The following SLC22A3 variants were observed in gnomAD, a reference collection of about 807,000 sequenced individuals.
SLC22A3 encodes EMT organic cation transporter 3.
SLC22A3 carries 51 observed loss-of-function variants against 59.1 expected under a neutral mutation model. The observed-to-expected ratio is 0.86, with a 90% confidence interval of 0.69 to 1.09. SLC22A3 has a LOEUF of 1.09. Among genes scored for constraint, SLC22A3 ranks in the 50% least tolerant of loss-of-function variants. The pLI, the probability that SLC22A3 is intolerant of heterozygous loss-of-function variation, is 0.00. For missense variants in SLC22A3, 711 were observed against 726.3 expected, an observed-to-expected ratio of 0.98 and a Z score of 0.24; for synonymous variants, 325 against 292.0, an observed-to-expected ratio of 1.11 and a Z score of -1.15.
Position 160,424,154 on chromosome 6 carries a change from GA to G in SLC22A3, c.976-12624del, listed in dbSNP as rs1787862505. Among the ~76,000 whole-genome samples, 3 of 152,172 alleles carry G rather than the reference GA, an allele frequency of 2.0e-5. No individual in the cohort carries two copies. The East Asian group carries it at 5.8e-4, about 29-fold the overall frequency. ...AACCTCAGCCCTGGAGTTGACAAAAGAATCTGTCCCAGTGGGCCACAGATCC... is the reference window on the plus strand; with the variant it reads ...AACCTCAGCCCTGGAGTTGACAAAAGATCTGTCCCAGTGGGCCACAGATCC... On this transcript the variant is annotated intron_variant, in intron 5 of 10. Transcript: ENST00000275300.
chr6:160,358,233 T>G (rs1198213096), intron 1 of SLC22A3, among the ~76,000 whole-genome samples: 1 of 152,054 alleles, frequency 6.6e-6, no homozygotes. Flanking sequence ...AATTTGAGGG[T>G]TTTTGAGCTC....
intron 1 of SLC22A3, among the ~76,000 whole-genome samples, chr6:160,387,618 G>A (rs1786074838): frequency 6.6e-6 from 1 of 152,080 alleles, no homozygotes; most frequent in Non-Finnish European, 1.5e-5. Flanking sequence ...TGTTTTTGGA[G>A]GCCTCATGGG....
Position 160,451,759 on chromosome 6 carries a change from A to G in SLC22A3, c.*703A>G, listed in dbSNP as rs2114938024. Reference sequence around the variant, plus strand: ...TACAATCTGAGGACTTGGCTCTGTTATTTACAAAATGATGCTGTGGTTCTG... The same window carrying G: ...TACAATCTGAGGACTTGGCTCTGTTGTTTACAAAATGATGCTGTGGTTCTG... On this transcript the variant is annotated 3_prime_UTR_variant, in exon 11 of 11. Transcript: ENST00000275300. The G allele has an allele frequency of 6.6e-6, 1 of 152,256 alleles. No homozygotes were observed. The highest frequency in any genetic ancestry group is 1.5e-5 in the Non-Finnish European group (1 of 68,040). The allele number at this position is 152,256 out of a possible 1,614,324, so 9.4% of individuals were successfully genotyped here.
At chr6:160,447,070 G>A (rs1759487001) in intron 9 of SLC22A3, among the ~76,000 whole-genome samples, 1 of 152,222 alleles carries the variant, frequency 6.6e-6, no homozygotes, top group South Asian at 2.1e-4. Flanking sequence ...GGAGAAAATA[G>A]GGGAGGGTGG....
At chr6:160,405,785 C>A (rs76244147) in intron 2 of SLC22A3, among the ~76,000 whole-genome samples, 3,089 of 151,998 alleles carry the variant, frequency 0.02, 105 homozygotes, top group African/African-American at 0.07. Context: ...ATAGAGGAAA[C>A]GTAAGTACTT....
intron 1 of SLC22A3, among the ~76,000 whole-genome samples, chr6:160,382,570 G>A (rs1785837519): frequency 6.6e-6 from 1 of 152,130 alleles, no homozygotes; most frequent in Non-Finnish European, 1.5e-5. Context: ...ACTCAGAAAG[G>A]CTGCAGTGAC....
chr6:160,397,259 G>A (rs1178623197), intron 1 of SLC22A3, among the ~76,000 whole-genome samples: 1 of 152,054 alleles, frequency 6.6e-6, no homozygotes, highest in African/African-American at 2.4e-5. Context: ...CCACAATAGG[G>A]TTCACGCTCC....
At chr6:160,403,828 A>T (rs3105753) in intron 2 of SLC22A3, among the ~76,000 whole-genome samples, 11 of 152,022 alleles carry the variant, frequency 7.2e-5, no homozygotes, top group Non-Finnish European at 1.3e-4. Flanking sequence ...TGATCATATC[A>T]ATAGATACAG....
At chr6:160,435,877 A>C (rs1788317200) in intron 5 of SLC22A3, among the ~76,000 whole-genome samples, 1 of 152,182 alleles carries the variant, frequency 6.6e-6, no homozygotes, top group African/African-American at 2.4e-5. Flanking sequence ...GTTGTTGAAC[A>C]CCAGGCACTT....
At position 160,407,119 on chromosome 6, in the gene SLC22A3, C is replaced by A. The variant is rs780109445; in HGVS notation, c.612C>A (p.Asn204Lys). ...VTGVVVAFAP[N>K]FPVFVIFRFL... The stretch of plus-strand genomic sequence containing the variant: ...GGGTTGTGGTGGCCTTTGCACCAAA[C>A]TTCCCTGTGTTTGTGATCTTCCGCT... Residue 204 changes from asparagine (N) to lysine (K), a missense_variant, in exon 3 of 11, where the codon AAC becomes AAA. Asn to Lys is a moderately conservative substitution (Grantham distance 94). Transcript: ENST00000275300. The A allele has an allele frequency of 5.6e-6, 9 of 1,612,270 alleles. No individual in the cohort carries two copies. The East Asian group carries it at 8.9e-5, about 16-fold the overall frequency.
At chr6:160,360,941 G>A (rs954330764) in intron 1 of SLC22A3, among the ~76,000 whole-genome samples, 1 of 152,184 alleles carries the variant, frequency 6.6e-6, no homozygotes, top group African/African-American at 2.4e-5. Flanking sequence ...CCAGAAGCAG[G>A]TAAATCATTC....
intron 3 of SLC22A3, among the ~76,000 whole-genome samples, chr6:160,408,121 GTAGCC>G (rs1402393428): frequency 6.6e-6 from 1 of 152,168 alleles, no homozygotes; most frequent in Non-Finnish European, 1.5e-5. Context: ...CAACAATAAA[GTAGCC>G]TATCCCAGGA....
intron 2 of SLC22A3, among the ~76,000 whole-genome samples, chr6:160,404,678 C>T (rs1021695218): frequency 1.4e-4 from 21 of 152,028 alleles, no homozygotes; most frequent in Admixed American, 7.9e-4. Context: ...ACTGGCACTA[C>T]TTAACGTCAA....
chr6:160,401,007 C>G (rs995953725), intron 2 of SLC22A3, among the ~76,000 whole-genome samples: 9 of 107,752 alleles, frequency 8.4e-5, no homozygotes, highest in East Asian at 8.1e-4. Context: ...AAAAAAAAAA[C>G]CCACACACAC....
intron 2 of SLC22A3, among the ~76,000 whole-genome samples, chr6:160,405,279 C>T (rs560148248): frequency 6.6e-6 from 1 of 151,996 alleles, no homozygotes; most frequent in Non-Finnish European, 1.5e-5. Context: ...AGAGAGTATA[C>T]AGATGATAAT....
chr6:160,429,514 A>C (rs1788074157), intron 5 of SLC22A3, among the ~76,000 whole-genome samples: 1 of 152,136 alleles, frequency 6.6e-6, no homozygotes, highest in African/African-American at 2.4e-5. Context: ...CCAGAGCCCC[A>C]GGTGGAAGTA....
chr6:160,444,963 G>T (rs1414391347), intron 9 of SLC22A3, among the ~76,000 whole-genome samples: 1 of 152,114 alleles, frequency 6.6e-6, no homozygotes, highest in East Asian at 1.9e-4. Context: ...TTAATTCTGT[G>T]GTCAGCATGA....
At chr6:160,405,608 C>T (rs915287217) in intron 2 of SLC22A3, among the ~76,000 whole-genome samples, 1 of 152,134 alleles carries the variant, frequency 6.6e-6, no homozygotes, top group African/African-American at 2.4e-5. Context: ...CTCATGTTCA[C>T]CCAAAAACCT....
Position 160,436,995 on chromosome 6 carries a change from A to G in SLC22A3, c.1074-2A>G. The stretch of plus-strand genomic sequence containing the variant: ...CTCTGGTGTCTTTCAATGTTGCTAC[A>G]GGTTCACAAGCGCAGTGGTGTATCA... On this transcript the variant is annotated splice_acceptor_variant, in intron 6 of 10. Coordinates refer to ENST00000275300, the MANE Select transcript of SLC22A3 (RefSeq NM_021977.4). LOFTEE classifies it high-confidence loss of function. The G allele has an allele frequency of 1.2e-6, 2 of 1,614,182 alleles. No individual in the cohort carries two copies. The highest frequency in any genetic ancestry group is 1.1e-5 in the South Asian group (1 of 91,082).
Sources: allele counts gnomAD v4.1 joint callset (sites outside exome capture counted in the v4.1 genomes callset), GRCh38; gene constraint gnomAD v4.1.1; transcripts MANE v1.5; gene names NCBI Gene and HGNC (gene_info 2026-07-23, HGNC 2026-07-21).